VCAN: variants seen among roughly 807,000 people sequenced by gnomAD.
VCAN encodes versican, also known as versican core protein.
Under a neutral mutation model 245.5 loss-of-function variants are expected in VCAN, and 44 were observed. The ratio of observed to expected loss-of-function variants is 0.18; its 90% CI spans 0.14 to 0.23. The LOEUF (loss-of-function observed/expected upper bound fraction) is 0.23, where lower values mean the gene tolerates loss of function less well. Ranked by LOEUF, VCAN falls within the 10% of genes least tolerant of loss-of-function variation. The pLI is 1.00. For synonymous variants in VCAN, 1,413 were observed against 1,437.0 expected, an observed-to-expected ratio of 0.98 and a Z score of 0.38; for missense variants, 3,793 against 4,057.9, an observed-to-expected ratio of 0.93 and a Z score of 1.77.
At chr5:83,489,087 A>G (rs753156580) in intron 2 of VCAN, among the ~76,000 whole-genome samples, 2 of 150,246 alleles carry the variant, frequency 1.3e-5, no homozygotes, top group Admixed American at 6.7e-5. Context: ...AATATGTTTG[A>G]CCACTAGCAG....
chr5:83,514,225 T>C (rs1209489191), intron 6 of VCAN, among the ~76,000 whole-genome samples: 1 of 152,102 alleles, frequency 6.6e-6, no homozygotes, highest in Non-Finnish European at 1.5e-5. Flanking sequence ...TATAATGGAC[T>C]CATTATTTTG....
intron 12 of VCAN, among the ~76,000 whole-genome samples, chr5:83,566,097 C>T (rs1357830931): frequency 2.6e-5 from 4 of 151,580 alleles, no homozygotes; most frequent in Non-Finnish European, 5.9e-5. Context: ...CGAGGAATTA[C>T]AGGTGCCTGC....
intron 6 of VCAN, 164 bp downstream of exon 6, chr5:83,512,560 GAT>G (rs1288388149): frequency 3.3e-6 from 3 of 920,062 alleles, no homozygotes; most frequent in Non-Finnish European, 4.8e-6. Flanking sequence ...GAACAGCAGT[GAT>G]ATGGTTAAAA....
intron 12 of VCAN, among the ~76,000 whole-genome samples, chr5:83,559,186 C>T (rs1049355624): frequency 2.0e-5 from 3 of 152,182 alleles, no homozygotes; most frequent in African/African-American, 7.2e-5. Flanking sequence ...AGCTGGCAAA[C>T]TTAAACAAAC....
Position 83,512,203 on chromosome 5 carries a change from C to G in VCAN, c.849C>G (p.Leu283=), listed in dbSNP as rs142777690. 39 of 1,614,000 alleles carry G rather than the reference C, an allele frequency of 2.4e-5. No homozygotes were observed. Among genetic ancestry groups the G allele is most frequent in the Non-Finnish European group, 3.2e-5 (38 of 1,180,034 alleles). Residue 283 remains leucine (L), a synonymous_variant, in exon 6 of 15, where the codon CTC becomes CTG. Transcript: ENST00000265077. ...CCAGGCTGGCAACAGTGGGGGAACT[C>G]CAGGCGGCATGGAGGAACGGCTTTG... ...QDARLATVGE[L]QAAWRNGFDQ... is the part of the protein sequence containing the mutation.
At chr5:83,567,524 A>T (rs569180288) in intron 12 of VCAN, among the ~76,000 whole-genome samples, 8 of 151,866 alleles carry the variant, frequency 5.3e-5, no homozygotes, top group South Asian at 2.1e-4. Context: ...CTGGTCTCGA[A>T]CTCCTGACCT....
Position 83,522,105 on chromosome 5 carries a change from G to T in VCAN, c.3799G>T (p.Val1267Leu). The change falls in exon 7 of 15, where the codon GTA (valine) becomes TTA (leucine). Residue 1267 changes from valine to leucine, a missense_variant. Transcript: ENST00000265077. ...HVPPTTLEDI[V>L]AKETETDIDR... ...TCCTCCCACTACCCTTGAAGATATT[G>T]TAGCCAAGGAAACAGAAACCGATAT... 1 of 1,614,118 alleles carries T rather than the reference G, an allele frequency of 6.2e-7. No homozygotes were observed. Among genetic ancestry groups the T allele is most frequent in the Non-Finnish European group, 8.5e-7 (1 of 1,180,032 alleles).
intron 13 of VCAN, among the ~76,000 whole-genome samples, chr5:83,578,991 G>A (rs1352177549): frequency 6.6e-6 from 1 of 151,816 alleles, no homozygotes; most frequent in Non-Finnish European, 1.5e-5. Flanking sequence ...ATTTTTCATT[G>A]TAAATTTAAA....
At chr5:83,487,705 A>G (rs1271589029) in intron 2 of VCAN, among the ~76,000 whole-genome samples, 1 of 152,174 alleles carries the variant, frequency 6.6e-6, no homozygotes, top group African/African-American at 2.4e-5. Flanking sequence ...TTTCTTATAT[A>G]TATAAACATC....
In VCAN at chr5:83,541,223, A is replaced by G. The variant is rs768965264; in HGVS notation, c.8220A>G (p.Thr2740=). The part of the protein sequence containing the change: ...AIADQSEIIP[T]LGQFERTQEE... ...CAGACCAAAGTGAAATAATACCAAC[A>G]TTGGGCCAATTTGAAAGGACTCAGG... is the stretch of plus-strand genomic sequence containing the variant. The change falls in exon 8 of 15, where the codon ACA becomes ACG. Residue 2740 remains threonine (T), a synonymous_variant. Coordinates refer to ENST00000265077, the MANE Select transcript of VCAN (RefSeq NM_004385.5). The G allele has an allele frequency of 7.4e-6, 12 of 1,613,854 alleles. No individual in the cohort carries two copies. Among genetic ancestry groups the G allele is most frequent in the East Asian group, 2.2e-5 (1 of 44,798 alleles).
chr5:83,569,016 CTTTA>C (rs1183584030), intron 12 of VCAN, among the ~76,000 whole-genome samples: 2 of 152,064 alleles, frequency 1.3e-5, no homozygotes, highest in Admixed American at 1.3e-4. Flanking sequence ...CCCCCCATTT[CTTTA>C]TTTATTCTTC....
chr5:83,489,984 A>T (rs931470864), intron 2 of VCAN, 114 bp from the exon 3 acceptor site: 2 of 1,044,992 alleles, frequency 1.9e-6, no homozygotes, highest in African/African-American at 3.2e-5. Context: ...TAATTATGTC[A>T]CATGTTGAAG....
rs755522841 is a variant in VCAN, at chr5:83,541,971, G to A, written c.8968G>A (p.Val2990Met). ...ASATYGVEAG[V>M]VPWLSPQTSE... Reference sequence around the variant, plus strand: ...TGCCACCTATGGGGTCGAGGCAGGTGTGGTGCCTTGGCTAAGTCCACAGAC... The same window carrying A: ...TGCCACCTATGGGGTCGAGGCAGGTATGGTGCCTTGGCTAAGTCCACAGAC... Residue 2990 changes from valine to methionine, a missense_variant, in exon 8 of 15, where the codon GTG (valine) becomes ATG (methionine). Physicochemically the swap from Val to Met is conservative, Grantham distance 21. Coordinates refer to ENST00000265077, the MANE Select transcript of VCAN (RefSeq NM_004385.5). 2.5e-6 allele frequency: 4 copies of A among 1,613,776 alleles called. No homozygotes were observed. The African/African-American group carries it at 4.0e-5, about 16-fold the overall frequency.
chr5:83,580,683 T>G lies in VCAN; in HGVS notation c.*249T>G. On this transcript the variant is annotated 3_prime_UTR_variant, in exon 15 of 15. Coordinates refer to ENST00000265077, the MANE Select transcript of VCAN (RefSeq NM_004385.5). The stretch of plus-strand genomic sequence containing the variant: ...CCAGCCTATCTAATTTCTTTAGTTT[T>G]CTATTTGCCTCCAGTGCAGTCCATT... 2.0e-6 allele frequency: 1 copy of G among 500,606 alleles called. No individual in the cohort carries two copies. Among genetic ancestry groups the G allele is most frequent in the African/African-American group, 1.9e-5 (1 of 51,398 alleles). The allele number at this position is 500,606 out of a possible 1,614,324, so 31.0% of individuals were successfully genotyped here.
chr5:83,537,509 C>T lies in VCAN; in HGVS notation c.4506C>T (p.Pro1502=). The T allele has an allele frequency of 6.2e-7, 1 of 1,613,880 alleles. No individual in the cohort carries two copies. The highest frequency in any genetic ancestry group is 8.5e-7 in the Non-Finnish European group (1 of 1,179,950). The part of the protein sequence containing the change: ...HFSGGEPDVF[P]TVPFHEEFES... Reference sequence around the variant, plus strand: ...CAGGTGGTGAGCCTGATGTTTTCCCCACAGTCCCATTCCATGAGGAATTTG... The same window carrying T: ...CAGGTGGTGAGCCTGATGTTTTCCCTACAGTCCCATTCCATGAGGAATTTG... The change falls in exon 8 of 15, where the codon CCC becomes CCT. Residue 1502 remains proline, a synonymous_variant. Coordinates refer to ENST00000265077, the MANE Select transcript of VCAN (RefSeq NM_004385.5).
chr5:83,489,847 A>G (rs558902768), intron 2 of VCAN, among the ~76,000 whole-genome samples: 48 of 151,694 alleles, frequency 3.2e-4, no homozygotes, highest in Admixed American at 2.2e-3. Flanking sequence ...TTCATGTTAA[A>G]CACTAAGTTA....
chr5:83,571,813 A>G (rs1748301372), intron 12 of VCAN, among the ~76,000 whole-genome samples: 1 of 152,216 alleles, frequency 6.6e-6, no homozygotes, highest in Non-Finnish European at 1.5e-5. Context: ...ACTAGCTTTG[A>G]AAGGTTGTAT....
chr5:83,480,121 T>C (rs1294629774), intron 1 of VCAN, among the ~76,000 whole-genome samples: 2 of 152,220 alleles, frequency 1.3e-5, no homozygotes, highest in Admixed American at 1.3e-4. Context: ...ATTTTTAAAT[T>C]GAGTAACTTA....
Position 83,537,170 on chromosome 5 carries a change from T to C in VCAN, c.4167T>C (p.Asn1389=), listed in dbSNP as rs1561253812. 3.7e-6 allele frequency: 6 copies of C among 1,613,204 alleles called. No homozygotes were observed. The highest frequency in any genetic ancestry group is 5.1e-6 in the Non-Finnish European group (6 of 1,179,786). ...TAGACCTATACCACAGTGAAGAAAA[T>C]GAAGAAGAAGAAGAAGAGTGTGCAA... ...IEIDLYHSEE[N]EEEEEECANA... Residue 1389 remains asparagine, a synonymous_variant, in exon 8 of 15, where the codon AAT becomes AAC. Transcript: ENST00000265077.
Sources: gnomAD v4.1 joint callset for allele counts (sites outside exome capture counted in the v4.1 genomes callset) on GRCh38, gnomAD v4.1.1 for gene constraint, MANE v1.5 for transcripts, NCBI Gene and HGNC (gene_info 2026-07-23, HGNC 2026-07-21) for gene names.